Variants in RBFOX1 observed in about 807,000 individuals in gnomAD.
The protein encoded by RBFOX1 is RNA binding fox-1 homolog 1.
RBFOX1 carries 8 observed loss-of-function variants against 57.7 expected under a neutral mutation model. The observed-to-expected ratio is 0.14, with a 90% CI of 0.08 to 0.25. RBFOX1 has a LOEUF of 0.25. Among genes scored for constraint, RBFOX1 ranks in the 10% least tolerant of loss-of-function variants. RBFOX1 has a pLI of 1.00. For synonymous variants in RBFOX1, 326 were observed against 222.4 expected, an observed-to-expected ratio of 1.47 and a Z score of -4.15; for missense variants, 611 against 548.5, an observed-to-expected ratio of 1.11 and a Z score of -1.14.
At chr16:7,242,443 G>A (rs1456574602) in intron 4 of RBFOX1, among the ~76,000 whole-genome samples, 1 of 152,110 alleles carries the variant, frequency 6.6e-6, no homozygotes, top group Non-Finnish European at 1.5e-5. Flanking sequence ...TTTGAAATGG[G>A]CAACATCATG....
chr16:7,365,686 T>C (rs28639453), intron 4 of RBFOX1, among the ~76,000 whole-genome samples: 2,141 of 152,274 alleles, frequency 0.014, 47 homozygotes, highest in African/African-American at 0.048. Context: ...GGTACTTTAC[T>C]TCCCACAGTA....
At chr16:6,829,707 T>C (rs1283579753) in intron 3 of RBFOX1, among the ~76,000 whole-genome samples, 7 of 152,048 alleles carry the variant, frequency 4.6e-5, no homozygotes, top group African/African-American at 1.2e-4. Flanking sequence ...GTTCAAGAGA[T>C]TCTTCTGTCT....
intron 4 of RBFOX1, among the ~76,000 whole-genome samples, chr16:7,198,797 T>C (rs1484923537): frequency 6.6e-6 from 1 of 152,230 alleles, no homozygotes; most frequent in Non-Finnish European, 1.5e-5. Flanking sequence ...CCCAACACTG[T>C]TGCAATGGAT....
At chr16:6,278,744 T>C (rs1599112538) in intron 1 of RBFOX1, among the ~76,000 whole-genome samples, 1 of 151,928 alleles carries the variant, frequency 6.6e-6, no homozygotes, top group Non-Finnish European at 1.5e-5. Flanking sequence ...TAGAGCAGAG[T>C]AGGTGGGGGG....
intron 1 of RBFOX1, among the ~76,000 whole-genome samples, chr16:5,273,670 A>C (rs1567265137): frequency 6.6e-6 from 1 of 152,170 alleles, no homozygotes; most frequent in Non-Finnish European, 1.5e-5. Flanking sequence ...GTTCGCATGC[A>C]TAGTGAAGAC....
At chr16:5,814,511 C>T (rs1044078780) in intron 3 of RBFOX1, among the ~76,000 whole-genome samples, 5 of 152,168 alleles carry the variant, frequency 3.3e-5, no homozygotes, top group African/African-American at 1.2e-4. Flanking sequence ...CATCAATGCC[C>T]AATTCACAGA....
chr16:7,332,609 A>T lies in RBFOX1; in HGVS notation c.28-185538A>T, dbSNP rs189013213. ...CCTTGCTCTTTTGGCCAAATTCAGT[A>T]GGATGAGCTTATATCTCATAGCCTG... is the stretch of plus-strand genomic sequence containing the variant. On this transcript the variant is annotated intron_variant, in intron 4 of 15. Coordinates refer to ENST00000550418, the MANE Select transcript of RBFOX1 (RefSeq NM_018723.4). The T allele has an allele frequency of 2.4e-4, 56 of 234,116 alleles. 2 individuals carry two copies. The highest frequency in any genetic ancestry group is 5.2e-5 in the Non-Finnish European group (7 of 135,120). 14.5% of individuals were successfully genotyped at this position (234,116 alleles called of 1,614,324 possible).
intron 4 of RBFOX1, among the ~76,000 whole-genome samples, chr16:7,474,993 A>G (rs2062348225): frequency 1.3e-5 from 2 of 152,154 alleles, no homozygotes; most frequent in South Asian, 2.1e-4. Context: ...ATGTCCCAGG[A>G]TGGTACTCTA....
chr16:7,010,476 T>C (rs544951881), intron 3 of RBFOX1, among the ~76,000 whole-genome samples: 1 of 152,142 alleles, frequency 6.6e-6, no homozygotes, highest in South Asian at 2.1e-4. Context: ...GCTAGATCTC[T>C]GGTGGCCAGT....
At chr16:7,353,482 CAT>C (rs1342226157) in intron 4 of RBFOX1, among the ~76,000 whole-genome samples, 4 of 152,136 alleles carry the variant, frequency 2.6e-5, no homozygotes, top group African/African-American at 7.2e-5. Flanking sequence ...TAATTAAAAA[CAT>C]ATGTGTACAC....
intron 1 of RBFOX1, among the ~76,000 whole-genome samples, chr16:6,170,913 C>T (rs115276846): frequency 0.024 from 3,586 of 152,242 alleles, 64 homozygotes; most frequent in African/African-American, 0.048. Context: ...CTGCAAAGGA[C>T]ATGATGTCTT....
chr16:5,964,731 A>G (rs74565273), intron 4 of RBFOX1, among the ~76,000 whole-genome samples: 3,755 of 152,072 alleles, frequency 0.025, 168 homozygotes, highest in African/African-American at 0.085. Flanking sequence ...TATACACACA[A>G]TGACTCTTAG....
intron 1 of RBFOX1, among the ~76,000 whole-genome samples, chr16:6,207,569 C>A (rs1043082258): frequency 3.9e-5 from 6 of 152,124 alleles, no homozygotes; most frequent in Non-Finnish European, 7.4e-5. Context: ...TTCTCTTGGG[C>A]CCAAAACATA....
chr16:6,240,285 G>C (rs374686182), intron 1 of RBFOX1, among the ~76,000 whole-genome samples: 1 of 152,114 alleles, frequency 6.6e-6, no homozygotes, highest in Admixed American at 6.5e-5. Flanking sequence ...AGCAGTGCAA[G>C]AGTGGCCTAA....
At chr16:7,152,011 G>A (rs538136462) in intron 4 of RBFOX1, among the ~76,000 whole-genome samples, 9 of 152,272 alleles carry the variant, frequency 5.9e-5, no homozygotes, top group African/African-American at 1.9e-4. Context: ...ACCATGGACT[G>A]GTACTAGGCC....
At chr16:7,084,892 G>A (rs59332845) in intron 4 of RBFOX1, among the ~76,000 whole-genome samples, 18,066 of 151,776 alleles carry the variant, frequency 0.12, 3,525 homozygotes, top group African/African-American at 0.41. Flanking sequence ...TCTTCTATCC[G>A]TTTGTCCAAC....
In RBFOX1 at chr16:5,586,274, T is replaced by C. The variant is rs770311412; in HGVS notation, c.259-12628T>C. 5.3e-5 allele frequency among the ~76,000 whole-genome samples: 8 copies of C among 152,154 alleles called. 1 individual carries two copies. In the South Asian group the frequency reaches 6.2e-4, roughly 12 times the overall value. Reference sequence around the variant, plus strand: ...ACTATGAGAGAATACATTTCACTTATTTTAGACCACTCAGTTGGTGGCAAT... The same window carrying C: ...ACTATGAGAGAATACATTTCACTTACTTTAGACCACTCAGTTGGTGGCAAT... On this transcript the variant is annotated intron_variant, in intron 2 of 2. Coordinates refer to the RBFOX1 transcript ENST00000585867.
intron 1 of RBFOX1, among the ~76,000 whole-genome samples, chr16:6,186,296 G>A (rs1355446860): frequency 1.3e-5 from 2 of 152,042 alleles, no homozygotes; most frequent in Non-Finnish European, 2.9e-5. Context: ...TTGTTCCAGG[G>A]GATGATTTTT....
intron 4 of RBFOX1, among the ~76,000 whole-genome samples, chr16:7,505,005 G>T (rs952496285): frequency 6.7e-6 from 1 of 150,326 alleles, no homozygotes; most frequent in Non-Finnish European, 1.5e-5. Context: ...TATTCTAATG[G>T]GGAAACTTTT....
Sources: gnomAD v4.1 joint callset for allele counts (sites outside exome capture counted in the v4.1 genomes callset) on GRCh38, gnomAD v4.1.1 for gene constraint, MANE v1.5 for transcripts, NCBI Gene and HGNC (gene_info 2026-07-23, HGNC 2026-07-21) for gene names.